The following CFAP61 variants were observed in gnomAD, a reference collection of about 807,000 sequenced individuals.
CFAP61 encodes the protein cilia- and flagella-associated protein 61.
Under a neutral mutation model 135.6 loss-of-function variants are expected in CFAP61, and 107 were observed. The ratio of observed to expected loss-of-function variants is 0.79; its 90% CI spans 0.67 to 0.93. CFAP61 has a LOEUF of 0.93. CFAP61 is among the 40% of genes least tolerant of loss of function. The pLI is 0.00. For missense variants in CFAP61, 1,507 were observed against 1,556.2 expected, an observed-to-expected ratio of 0.97 and a Z score of 0.53; for synonymous variants, 575 against 578.5, an observed-to-expected ratio of 0.99 and a Z score of 0.09.
chr20:20,200,872 A>G (rs2056582744), intron 17 of CFAP61: 9 of 985,368 alleles, frequency 9.1e-6, no homozygotes, highest in Non-Finnish European at 1.1e-5. Flanking sequence ...CATCAGACCA[A>G]CTCAGAGGCA....
chr20:20,236,948 G>A (rs1421316003), intron 18 of CFAP61, among the ~76,000 whole-genome samples: 1 of 152,120 alleles, frequency 6.6e-6, no homozygotes, highest in Non-Finnish European at 1.5e-5. Flanking sequence ...AATGTATAAT[G>A]TTTTTACTTC....
chr20:20,203,009 A>G (rs952957198), intron 17 of CFAP61, among the ~76,000 whole-genome samples: 1 of 152,116 alleles, frequency 6.6e-6, no homozygotes, highest in Non-Finnish European at 1.5e-5. Flanking sequence ...TGAATCTGGC[A>G]CAAGGAAGCA....
At chr20:20,071,064 T>C (rs926495007) in intron 3 of CFAP61, 60 bp downstream of exon 3, 39 of 1,541,728 alleles carry the variant, frequency 2.5e-5, no homozygotes, top group Non-Finnish European at 3.3e-5. Context: ...AAGTCCTGTG[T>C]TTGTGATTAT....
chr20:20,326,957 GT>G (rs937775658), intron 25 of CFAP61, among the ~76,000 whole-genome samples: 2 of 151,744 alleles, frequency 1.3e-5, no homozygotes, highest in African/African-American at 4.8e-5. Context: ...ACTCTGATAG[GT>G]TTTTTTTCAT....
intron 26 of CFAP61, among the ~76,000 whole-genome samples, chr20:20,346,231 CAA>C (rs1160428866): frequency 6.8e-6 from 1 of 147,792 alleles, no homozygotes; most frequent in African/African-American, 2.5e-5. Context: ...GCCTGGGAGA[CAA>C]GAGCAAAACT....
At chr20:20,076,118 C>G (rs570961585) in intron 6 of CFAP61, among the ~76,000 whole-genome samples, 1 of 152,136 alleles carries the variant, frequency 6.6e-6, no homozygotes, top group Non-Finnish European at 1.5e-5. Flanking sequence ...CTTTCCACCC[C>G]GCAGGCTACT....
intron 24 of CFAP61, among the ~76,000 whole-genome samples, chr20:20,296,107 C>CT (rs2055478021): frequency 2.0e-4 from 1 of 5,102 alleles, no homozygotes; most frequent in Non-Finnish European, 4.1e-4. Context: ...CCTTCCTTCC[C>CT]TCCCTCCTTC....
intron 9 of CFAP61, among the ~76,000 whole-genome samples, chr20:20,144,687 G>A (rs2146757191): frequency 6.6e-6 from 1 of 151,782 alleles, no homozygotes; most frequent in South Asian, 2.1e-4. Flanking sequence ...GATACAAGAA[G>A]CTCAGCAAAC....
chr20:20,093,416 C>T (rs779609768), intron 7 of CFAP61, among the ~76,000 whole-genome samples: 1 of 149,270 alleles, frequency 6.7e-6, no homozygotes, highest in African/African-American at 2.5e-5. Context: ...ATATTAAAAA[C>T]CATTGAATTG....
intron 22 of CFAP61, among the ~76,000 whole-genome samples, chr20:20,280,677 A>G (rs140001661): frequency 2.6e-5 from 4 of 152,168 alleles, no homozygotes; most frequent in South Asian, 2.1e-4. Context: ...TTTGCCTGCT[A>G]TGCACATTCT....
intron 1 of CFAP61, among the ~76,000 whole-genome samples, chr20:20,053,357 A>G (rs963147243): frequency 1.3e-5 from 2 of 152,208 alleles, no homozygotes; most frequent in Non-Finnish European, 2.9e-5. Flanking sequence ...CTCCTCTAAC[A>G]GCCTCCAACT....
chr20:20,218,123 C>T (rs1295036652), intron 17 of CFAP61, among the ~76,000 whole-genome samples: 1 of 152,200 alleles, frequency 6.6e-6, no homozygotes, highest in African/African-American at 2.4e-5. Context: ...TCCATGGCTT[C>T]CCAGCTGATA....
At chr20:20,118,214 G>A (rs1346995622) in intron 8 of CFAP61, among the ~76,000 whole-genome samples, 3 of 151,742 alleles carry the variant, frequency 2.0e-5, no homozygotes, top group African/African-American at 7.3e-5. Context: ...GATGTTAGCT[G>A]TGAGTTTGTC....
chr20:20,188,317 C>A (rs552126198), intron 14 of CFAP61, among the ~76,000 whole-genome samples: 2 of 152,250 alleles, frequency 1.3e-5, no homozygotes, highest in African/African-American at 2.4e-5. Flanking sequence ...GGACTTGATC[C>A]AAACAATCAT....
chr20:20,318,411 G>T (rs966014955), intron 25 of CFAP61, among the ~76,000 whole-genome samples: 2 of 152,184 alleles, frequency 1.3e-5, no homozygotes, highest in African/African-American at 4.8e-5. Flanking sequence ...TTGGTCATAA[G>T]CATTAGTCAG....
chr20:20,119,006 A>G (rs1167996972), intron 8 of CFAP61, among the ~76,000 whole-genome samples: 1 of 151,902 alleles, frequency 6.6e-6, no homozygotes, highest in East Asian at 1.9e-4. Flanking sequence ...TTAATGTGTT[A>G]TGGAATTTGG....
chr20:20,163,785 C>A (rs959879448), intron 10 of CFAP61, among the ~76,000 whole-genome samples: 1 of 151,938 alleles, frequency 6.6e-6, no homozygotes, highest in Non-Finnish European at 1.5e-5. Context: ...CCCGACCCCC[C>A]TGACAGGCCC....
chr20:20,091,169 C>T (rs537797532), intron 7 of CFAP61, among the ~76,000 whole-genome samples, 193 bp downstream of exon 7: 2 of 152,234 alleles, frequency 1.3e-5, no homozygotes, highest in Admixed American at 1.3e-4. Context: ...TTGTCTTTTG[C>T]GAGGTCCTTC....
In CFAP61 at chr20:20,251,916, C is replaced by T. The variant is rs1232647759; in HGVS notation, c.2328+153C>T. Among the ~76,000 whole-genome samples the T allele has an allele frequency of 3.9e-5, 6 of 152,190 alleles. No individual in the cohort carries two copies. The East Asian group carries it at 9.6e-4, about 24-fold the overall frequency. On this transcript the variant is annotated intron_variant, in intron 20 of 26. Transcript: ENST00000245957. Reference sequence around the variant, plus strand: ...ATTCATAAAAGCACCCTTCAGGGCCCGCACACATAACCAGAATTATGTCCG... The same window carrying T: ...ATTCATAAAAGCACCCTTCAGGGCCTGCACACATAACCAGAATTATGTCCG...
Sources: allele counts gnomAD v4.1 joint callset (sites outside exome capture counted in the v4.1 genomes callset), GRCh38; gene constraint gnomAD v4.1.1; transcripts MANE v1.5; gene names NCBI Gene and HGNC (gene_info 2026-07-23, HGNC 2026-07-21).